Variants in KTN1 observed in about 807,000 individuals in gnomAD.
KTN1 encodes kinectin.
A neutral mutation model predicts 222.5 loss-of-function variants in KTN1; 130 were observed. That is an observed-to-expected ratio of 0.58 (90% CI 0.51 to 0.68). The LOEUF (loss-of-function observed/expected upper bound fraction) is 0.68, where lower values mean the gene tolerates loss of function less well. KTN1 is among the 30% of genes least tolerant of loss of function. The pLI is 0.00. For missense variants in KTN1, 1,508 were observed against 1,500.4 expected (o/e 1.01, Z -0.08); for synonymous variants, 512 against 496.3 (o/e 1.03, Z -0.42).
In KTN1 at chr14:55,648,121, G is replaced by T; in HGVS notation, c.2298+6G>T. On this transcript the variant is annotated splice_donor_region_variant and intron_variant, in intron 20 of 43. Coordinates refer to ENST00000395314, the MANE Select transcript of KTN1 (RefSeq NM_001079521.2). ...CTAAAGAAGAGGAGCTGAATGTAAA[G>T]CATTTTGTAGTTTTGTTTTCCTTGT... The T allele has an allele frequency of 6.9e-7, 1 of 1,451,842 alleles. No homozygotes were observed. Among genetic ancestry groups the T allele is most frequent in the Non-Finnish European group, 9.4e-7 (1 of 1,060,828 alleles). The allele number at this position is 1,451,842 out of a possible 1,614,324, so 89.9% of individuals were successfully genotyped here.
At chr14:55,588,406 C>T (rs760574282) in intron 1 of KTN1, among the ~76,000 whole-genome samples, 28 of 152,126 alleles carry the variant, frequency 1.8e-4, no homozygotes, top group African/African-American at 6.5e-4. Flanking sequence ...CTCTGCTTCT[C>T]GGGAGCACTT....
intron 18 of KTN1, among the ~76,000 whole-genome samples, chr14:55,642,211 T>C (rs1271559058): frequency 6.6e-6 from 1 of 152,196 alleles, no homozygotes; most frequent in Non-Finnish European, 1.5e-5. Context: ...ATATTATATT[T>C]ACACCATAAA....
At chr14:55,655,092 G>A (rs370686344) in intron 28 of KTN1, among the ~76,000 whole-genome samples, 15 of 152,080 alleles carry the variant, frequency 9.9e-5, no homozygotes, top group Non-Finnish European at 1.2e-4. Flanking sequence ...GGGCTCAAGC[G>A]ATCCTCCCAC....
intron 5 of KTN1, 109 bp from the exon 6 acceptor site, chr14:55,627,803 T>G: frequency 1.5e-6 from 1 of 666,338 alleles, no homozygotes. Flanking sequence ...CTCATTCTTT[T>G]TTATGGCTGC....
intron 2 of KTN1, among the ~76,000 whole-genome samples, chr14:55,615,686 G>A (rs1304356692): frequency 6.6e-6 from 1 of 152,154 alleles, no homozygotes; most frequent in Non-Finnish European, 1.5e-5. Flanking sequence ...GCAATTAGCT[G>A]AGGAATGATT....
At chr14:55,619,931 C>T (rs748465442) in intron 5 of KTN1, among the ~76,000 whole-genome samples, 2 of 152,098 alleles carry the variant, frequency 1.3e-5, no homozygotes, top group African/African-American at 2.4e-5. Flanking sequence ...TTCAAAAGTC[C>T]ACAGTCCAAA....
chr14:55,651,987 A>G (rs1408323994), intron 25 of KTN1, 60 bp downstream of exon 25: 3 of 1,045,458 alleles, frequency 2.9e-6, no homozygotes, highest in Admixed American at 4.7e-5. Flanking sequence ...AAATAGAAGT[A>G]TAATGAAAAT....
At chr14:55,667,415 T>TTAA in intron 34 of KTN1, 85 bp downstream of exon 34, 5 of 712,754 alleles carry the variant, frequency 7.0e-6, no homozygotes, top group Non-Finnish European at 1.2e-5. Flanking sequence ...CTCCACTTGG[T>TTAA]TTCAGTAGAG....
intron 28 of KTN1, among the ~76,000 whole-genome samples, chr14:55,655,382 AT>A (rs1315324993): frequency 6.6e-6 from 1 of 152,082 alleles, no homozygotes; most frequent in Non-Finnish European, 1.5e-5. Context: ...TTTCATATAG[AT>A]TTATAAGCAT....
intron 5 of KTN1, among the ~76,000 whole-genome samples, chr14:55,619,552 C>T (rs1386301285): frequency 3.9e-5 from 6 of 152,064 alleles, no homozygotes; most frequent in Admixed American, 6.6e-5. Flanking sequence ...CACAGTTCTA[C>T]GTGGCTGGGG....
At position 55,673,023 on chromosome 14, in the gene KTN1, C is replaced by A. The variant is rs2045581580; in HGVS notation, c.3687+11C>A. 6.3e-7 allele frequency: 1 copy of A among 1,598,944 alleles called. No individual in the cohort carries two copies. The highest frequency in any genetic ancestry group is 1.3e-5 in the African/African-American group (1 of 74,718). ...ACAGAAGTCAGAGAGGTACTTACAACAGAATCTTTTCAAACTTGCTTCTCA... is the reference window on the plus strand; with the variant it reads ...ACAGAAGTCAGAGAGGTACTTACAAAAGAATCTTTTCAAACTTGCTTCTCA... On this transcript the variant is annotated intron_variant, in intron 39 of 43. Transcript: ENST00000395314.
chr14:55,631,312 A>G (rs1293426114), intron 7 of KTN1, among the ~76,000 whole-genome samples: 2 of 141,342 alleles, frequency 1.4e-5, no homozygotes, highest in African/African-American at 5.3e-5. Context: ...GATTTAATAT[A>G]TGTCTAAAAC....
chr14:55,663,584 G>A (rs1333675625), intron 32 of KTN1: 1 of 177,458 alleles, frequency 5.6e-6, no homozygotes, highest in East Asian at 1.6e-4. Context: ...CACATGAAAA[G>A]CTTTTTATAA....
At chr14:55,667,637 TA>T (rs2044956984) in intron 34 of KTN1, 2 of 169,632 alleles carry the variant, frequency 1.2e-5, no homozygotes, top group Non-Finnish European at 2.5e-5. Context: ...TGGCTTTATT[TA>T]AAACTTAATT....
chr14:55,652,546 G>C (rs751673786), intron 25 of KTN1, among the ~76,000 whole-genome samples: 26 of 151,926 alleles, frequency 1.7e-4, no homozygotes, highest in African/African-American at 5.3e-4. Flanking sequence ...CTACAGGCGC[G>C]TACCACCACG....
Position 55,583,402 on chromosome 14 carries a change from A to T in KTN1, c.-31+3048A>T, listed in dbSNP as rs868173840. Among the ~76,000 whole-genome samples, 890 of 152,342 alleles carry T rather than the reference A, an allele frequency of 5.8e-3. 13 individuals are homozygous for T. The highest frequency in any genetic ancestry group is 0.021 in the African/African-American group (858 of 41,570). On this transcript the variant is annotated intron_variant, in intron 1 of 43. Coordinates refer to ENST00000395314, the MANE Select transcript of KTN1 (RefSeq NM_001079521.2). ...ATAGGAAATATAATATTCCTCGGAA[A>T]TGTAGAAGACATACCCTAAAAAAAG...
chr14:55,656,345 T>A (rs1319823862), intron 29 of KTN1: 5 of 424,176 alleles, frequency 1.2e-5, no homozygotes, highest in African/African-American at 2.0e-5. Flanking sequence ...TCTGTTGAAC[T>A]ATACTAACTT....
chr14:55,646,090 TGGACATAAGATAAATTTTAACATTGG>T (rs147983536), intron 18 of KTN1, among the ~76,000 whole-genome samples: 1,710 of 152,282 alleles, frequency 0.011, 40 homozygotes, highest in African/African-American at 0.039. Flanking sequence ...AATCCCACTT[TGGACATAAGATAAATTTTAACATTGG>T]GGACTTGTGT....
At chr14:55,682,875 G>A (rs573583495) in intron 43 of KTN1, 23 of 151,694 alleles carry the variant, frequency 1.5e-4, no homozygotes, top group Admixed American at 1.4e-3. Context: ...TTTTTGGCCA[G>A]CCTCTTAGAA....
Sources: allele counts gnomAD v4.1 joint callset (sites outside exome capture counted in the v4.1 genomes callset), GRCh38; gene constraint gnomAD v4.1.1; transcripts MANE v1.5; gene names NCBI Gene and HGNC (gene_info 2026-07-23, HGNC 2026-07-21).